Variants in PNPLA4 observed in about 807,000 individuals in gnomAD.
The protein encoded by PNPLA4 is patatin like domain 4, phospholipase and triacylglycerol lipase.
In PNPLA4, 15 loss-of-function variants were observed where a neutral mutation model predicts 18.3. The observed-to-expected ratio is 0.82, with a 90% CI of 0.55 to 1.26. The LOEUF (loss-of-function observed/expected upper bound fraction) is 1.26, where lower values mean the gene tolerates loss of function less well. Among genes scored for constraint, PNPLA4 ranks in the 50% most tolerant of loss-of-function variants. The pLI, the probability that PNPLA4 is intolerant of heterozygous loss-of-function variation, is 0.00. For synonymous variants in PNPLA4, 88 were observed against 85.6 expected (o/e 1.03, Z -0.16); for missense variants, 229 against 196.8 (o/e 1.16, Z -0.98).
chrX:7,920,308 T>G (rs1290796354), intron 4 of PNPLA4, among the ~76,000 whole-genome samples: 4 of 111,559 alleles, frequency 3.6e-5, no homozygotes, highest in Non-Finnish European at 7.5e-5. Flanking sequence ...GCCTTATCTG[T>G]CTGTATTGGA....
intron 5 of PNPLA4, among the ~76,000 whole-genome samples, chrX:7,907,411 C>T: frequency 8.9e-6 from 1 of 112,320 alleles, no homozygotes; most frequent in African/African-American, 3.2e-5. Flanking sequence ...AATTCTATCT[C>T]TTAAAACAAA....
intron 2 of PNPLA4, among the ~76,000 whole-genome samples, chrX:7,922,508 G>GACAGAAAT (rs1430617418): frequency 8.9e-6 from 1 of 112,333 alleles, no homozygotes; most frequent in Non-Finnish European, 1.9e-5. Context: ...CAGCACCAGT[G>GACAGAAAT]ACAGAAATAG....
chrX:7,921,132 T>C (rs1208078143), intron 4 of PNPLA4, among the ~76,000 whole-genome samples: 5 of 111,096 alleles, frequency 4.5e-5, no homozygotes, highest in African/African-American at 1.3e-4. Context: ...TAGGTGGACA[T>C]GGTGGTACGT....
At chrX:7,922,251 A>C (rs1010409926) in intron 2 of PNPLA4, among the ~76,000 whole-genome samples, 153 bp from the exon 3 acceptor site, 1 of 112,062 alleles carries the variant, frequency 8.9e-6, no homozygotes, top group Non-Finnish European at 1.9e-5. Context: ...GGCCTCACCC[A>C]CCACTCTCAG....
intron 5 of PNPLA4, among the ~76,000 whole-genome samples, chrX:7,911,694 T>C (rs1923881729): frequency 9.0e-6 from 1 of 110,684 alleles, no homozygotes; most frequent in Non-Finnish European, 1.9e-5. Flanking sequence ...TAAAGCCTTT[T>C]CTCACCCTGA....
At chrX:7,912,863 T>C (rs1261981168) in intron 4 of PNPLA4, among the ~76,000 whole-genome samples, 1 of 112,401 alleles carries the variant, frequency 8.9e-6, no homozygotes, top group African/African-American at 3.2e-5. Context: ...CTGTTTGTTG[T>C]CAAAGATTTC....
At chrX:7,925,072 G>A (rs1924350039) in intron 2 of PNPLA4, among the ~76,000 whole-genome samples, 1 of 112,209 alleles carries the variant, frequency 8.9e-6, no homozygotes, top group Non-Finnish European at 1.9e-5. Flanking sequence ...CTAGTTCCCT[G>A]TAAATCAACC....
intron 2 of PNPLA4, among the ~76,000 whole-genome samples, chrX:7,923,172 G>A (rs751720110): frequency 8.9e-6 from 1 of 112,233 alleles, no homozygotes; most frequent in Admixed American, 9.4e-5. Flanking sequence ...GACCTTCTAT[G>A]TTAAAAGGGA....
chrX:7,922,491 C>T (rs1924261808), intron 2 of PNPLA4, among the ~76,000 whole-genome samples: 1 of 112,457 alleles, frequency 8.9e-6, no homozygotes, highest in South Asian at 3.7e-4. Context: ...AAGCTGATTA[C>T]AAATGACAGC....
At chrX:7,917,797 A>G (rs1421208780) in intron 4 of PNPLA4, among the ~76,000 whole-genome samples, 1 of 111,291 alleles carries the variant, frequency 9.0e-6, no homozygotes, top group African/African-American at 3.3e-5. Flanking sequence ...ATCATTCTTG[A>G]GGAGATTCAA....
intron 4 of PNPLA4, among the ~76,000 whole-genome samples, chrX:7,912,682 A>G (rs1923913845): frequency 8.9e-6 from 1 of 112,384 alleles, no homozygotes; most frequent in Non-Finnish European, 1.9e-5. Context: ...TTAGGAAATT[A>G]CCATTCCATA....
intron 4 of PNPLA4, among the ~76,000 whole-genome samples, chrX:7,917,946 A>G (rs1426718093): frequency 1.8e-5 from 2 of 112,424 alleles, no homozygotes; most frequent in African/African-American, 6.5e-5. Flanking sequence ...TGGATAATGA[A>G]AAACTAGGCA....
At chrX:7,909,431 C>T (rs1923806351) in intron 5 of PNPLA4, among the ~76,000 whole-genome samples, 1 of 110,437 alleles carries the variant, frequency 9.1e-6, no homozygotes, top group Admixed American at 9.6e-5. Flanking sequence ...TGGTGGCATG[C>T]ACCTGTAGTC....
At chrX:7,906,551 A>T (rs1923710936) in intron 5 of PNPLA4, among the ~76,000 whole-genome samples, 1 of 112,346 alleles carries the variant, frequency 8.9e-6, no homozygotes, top group South Asian at 3.7e-4. Flanking sequence ...TTGTTTCAAA[A>T]ATTAAACAGA....
intron 5 of PNPLA4, among the ~76,000 whole-genome samples, chrX:7,909,536 G>A (rs1923809436): frequency 9.3e-6 from 1 of 108,099 alleles, no homozygotes; most frequent in Non-Finnish European, 1.9e-5. Flanking sequence ...TCCAGCCTGG[G>A]TGACAGAGTG....
intron 5 of PNPLA4, among the ~76,000 whole-genome samples, chrX:7,908,427 A>T (rs570699427): frequency 2.7e-5 from 3 of 112,732 alleles, no homozygotes; most frequent in African/African-American, 9.7e-5. Flanking sequence ...TATGTAATTT[A>T]AGTCACATAA....
chrX:7,918,565 T>C (rs1426283679), intron 4 of PNPLA4, among the ~76,000 whole-genome samples: 2 of 110,839 alleles, frequency 1.8e-5, no homozygotes, highest in Admixed American at 1.9e-4. Context: ...CCCCAGGCTG[T>C]ATGTTCAGAG....
intron 6 of PNPLA4, 53 bp downstream of exon 6, chrX:7,901,936 G>A (rs1923546754): frequency 8.8e-7 from 1 of 1,131,789 alleles, no homozygotes; most frequent in East Asian, 3.1e-5. Flanking sequence ...GAATTCTGTG[G>A]GAATTTTTAG....
intron 4 of PNPLA4, among the ~76,000 whole-genome samples, chrX:7,913,113 G>A (rs368138922): frequency 2.0e-4 from 22 of 111,581 alleles, no homozygotes; most frequent in African/African-American, 7.2e-4. Flanking sequence ...GCTGTGACCC[G>A]ACACAGCTGG....
Sources: allele counts gnomAD v4.1 joint callset (sites outside exome capture counted in the v4.1 genomes callset), GRCh38; gene constraint gnomAD v4.1.1; transcripts MANE v1.5; gene names NCBI Gene and HGNC (gene_info 2026-07-23, HGNC 2026-07-21).